The following DDX60 variants were observed in gnomAD, a reference collection of about 807,000 sequenced individuals.
DDX60 encodes DExD/H-box helicase 60.
Under a neutral mutation model 212.8 loss-of-function variants are expected in DDX60, and 165 were observed. The observed-to-expected ratio is 0.78, with a 90% CI of 0.68 to 0.88. DDX60 has a LOEUF of 0.88. DDX60 is among the 40% of genes least tolerant of loss of function. The probability of loss-of-function intolerance (pLI) is 0.00; values close to 1 mark genes in which losing one functional copy is unlikely to be tolerated. For synonymous variants in DDX60, 703 were observed against 685.3 expected, an observed-to-expected ratio of 1.03 and a Z score of -0.40; for missense variants, 1,905 against 2,003.9, an observed-to-expected ratio of 0.95 and a Z score of 0.94.
upstream of DDX60, among the ~76,000 whole-genome samples, chr4:168,323,145 G>A (rs1475792437): frequency 1.3e-5 from 2 of 152,108 alleles, no homozygotes; most frequent in Non-Finnish European, 2.9e-5. Flanking sequence ...TCAGCCTTAT[G>A]ATACAATGCC....
intron 26 of DDX60, among the ~76,000 whole-genome samples, chr4:168,254,105 G>T (rs910820564): frequency 6.6e-6 from 1 of 152,142 alleles, no homozygotes; most frequent in African/African-American, 2.4e-5. Flanking sequence ...TTTTAGTCAA[G>T]GTAATAAACC....
chr4:168,264,799 G>T (rs181811454), intron 22 of DDX60, among the ~76,000 whole-genome samples: 265 of 152,162 alleles, frequency 1.7e-3, no homozygotes, highest in African/African-American at 6.2e-3. Flanking sequence ...CCTAAATACT[G>T]GGGATCCAAT....
At position 168,236,302 on chromosome 4, in the gene DDX60, ATCT is replaced by A. The variant is rs768346445; in HGVS notation, c.4480_4482del (p.Arg1494del). ...GCATCTTGGAACTTTGGTGGAAAATATCTTCTTCCAAAGAGATGTGCCAATACT... is the reference window on the plus strand; with the variant it reads ...GCATCTTGGAACTTTGGTGGAAAATATCTTCCAAAGAGATGTGCCAATACT... On this transcript the variant is annotated inframe_deletion, in exon 33 of 38. Transcript: ENST00000393743. 6.2e-7 allele frequency: 1 copy of A among 1,611,024 alleles called. No individual in the cohort carries two copies. The highest frequency in any genetic ancestry group is 1.7e-5 in the Admixed American group (1 of 59,686).
Position 168,251,044 on chromosome 4 carries a change from C to A in DDX60, c.3768G>T (p.Leu1256Phe), listed in dbSNP as rs780436686. 6.2e-7 allele frequency: 1 copy of A among 1,613,442 alleles called. No individual in the cohort carries two copies. Among genetic ancestry groups the A allele is most frequent in the Non-Finnish European group, 8.5e-7 (1 of 1,179,694 alleles). The change falls in exon 28 of 38, where the codon TTG (leucine) becomes TTT (phenylalanine). Residue 1256 changes from leucine (L) to phenylalanine (F), a missense_variant. By Grantham distance (22) the Leu-to-Phe change is conservative (BLOSUM62 0). Coordinates refer to ENST00000393743, the MANE Select transcript of DDX60 (RefSeq NM_017631.6). ...GATGATATCCAATACCCCTTTCTGC[C>A]AAGGCTTTCAATTCTTCACCTTTTC... The part of the protein sequence containing the change: ...FERKGEELKA[L>F]AERGIGYHHS...
At chr4:168,236,996 T>C (rs1356454343) in intron 32 of DDX60, among the ~76,000 whole-genome samples, 1 of 151,262 alleles carries the variant, frequency 6.6e-6, no homozygotes, top group Non-Finnish European at 1.5e-5. Flanking sequence ...GAAGAAAATA[T>C]TTTCTAAAAA....
At chr4:168,323,345 A>G (rs1737641281), upstream of DDX60, among the ~76,000 whole-genome samples, 1 of 152,202 alleles carries the variant, frequency 6.6e-6, no homozygotes, top group South Asian at 2.1e-4. Flanking sequence ...TGGCACTGGT[A>G]TAGGGAGTGC....
At chr4:168,270,418 T>C (rs1469700245) in intron 19 of DDX60, among the ~76,000 whole-genome samples, 3 of 152,268 alleles carry the variant, frequency 2.0e-5, no homozygotes, top group Non-Finnish European at 4.4e-5. Context: ...CATCAAATAT[T>C]GACCTTATGC....
chr4:168,315,073 T>C (rs1027053921), intron 1 of DDX60, among the ~76,000 whole-genome samples: 19 of 152,206 alleles, frequency 1.2e-4, no homozygotes, highest in African/African-American at 3.9e-4. Context: ...TTCTGAAATA[T>C]ACTATAGTTC....
chr4:168,286,432 A>ACCACAC (rs1560859715), intron 10 of DDX60, among the ~76,000 whole-genome samples: 172 of 57,708 alleles, frequency 3.0e-3, no homozygotes, highest in African/African-American at 0.012. Flanking sequence ...CGAGATAGAT[A>ACCACAC]GATAGATAGA....
At chr4:168,267,093 G>A (rs548412894) in intron 22 of DDX60, among the ~76,000 whole-genome samples, 4 of 152,176 alleles carry the variant, frequency 2.6e-5, no homozygotes, top group Admixed American at 6.5e-5. Context: ...CTCACACCCC[G>A]GTGTCCCAGC....
intron 7 of DDX60, 139 bp from the exon 8 acceptor site, chr4:168,292,045 CTTTCTTT>C: frequency 2.6e-5 from 11 of 415,576 alleles, no homozygotes; most frequent in Non-Finnish European, 3.0e-5. Context: ...TTCTTTCTTT[CTTTCTTT>C]TTTTTTTTTT....
intron 6 of DDX60, among the ~76,000 whole-genome samples, chr4:168,294,686 G>A (rs1736263974): frequency 6.6e-6 from 1 of 151,978 alleles, no homozygotes; most frequent in Non-Finnish European, 1.5e-5. Flanking sequence ...ATTTTTAGTA[G>A]AGATGGGATT....
rs534969004 is a variant in DDX60, at chr4:168,248,363, A to G, written c.3859-71T>C. The G allele has an allele frequency of 2.9e-5, 35 of 1,204,558 alleles. No individual in the cohort carries two copies. In the East Asian group the frequency reaches 9.5e-4, roughly 33 times the overall value. The allele number at this position is 1,204,558 out of a possible 1,614,324, so 74.6% of individuals were successfully genotyped here. On this transcript the variant is annotated intron_variant, in intron 28 of 37. Transcript: ENST00000393743. Reference sequence around the variant, plus strand: ...AGAATGCAAGTATTTCCTGTCATAAAGTTGCTGAAAAACTCTTTGAGCTTC... The same window carrying G: ...AGAATGCAAGTATTTCCTGTCATAAGGTTGCTGAAAAACTCTTTGAGCTTC...
chr4:168,248,440 C>T (rs756024924), intron 28 of DDX60, 148 bp from the exon 29 acceptor site: 4 of 547,780 alleles, frequency 7.3e-6, no homozygotes, highest in Non-Finnish European at 1.3e-5. Flanking sequence ...GGTACTCTTG[C>T]TATTTCACAA....
chr4:168,302,544 A>G lies in DDX60; in HGVS notation c.607-128T>C, dbSNP rs1411705062. ...TATTTCTAAGGAAAAAAATATGCCA[A>G]TGTAATTGTAAGTTTTAAACCCCAT... On this transcript the variant is annotated intron_variant, in intron 5 of 37. Coordinates refer to ENST00000393743, the MANE Select transcript of DDX60 (RefSeq NM_017631.6). 9.0e-6 allele frequency: 4 copies of G among 445,186 alleles called. No individual in the cohort carries two copies. In the East Asian group the frequency reaches 1.5e-4, roughly 16 times the overall value. 27.6% of individuals were successfully genotyped at this position (445,186 alleles called of 1,614,324 possible).
At chr4:168,232,767 A>G (rs1302033070) in intron 33 of DDX60, among the ~76,000 whole-genome samples, 1 of 152,162 alleles carries the variant, frequency 6.6e-6, no homozygotes, top group Non-Finnish European at 1.5e-5. Context: ...CTGGAAGACA[A>G]TATTATAAAA....
At chr4:168,296,364 C>A (rs1183652529) in intron 6 of DDX60, among the ~76,000 whole-genome samples, 1 of 151,798 alleles carries the variant, frequency 6.6e-6, no homozygotes, top group Admixed American at 6.6e-5. Context: ...TTTCTGAAAA[C>A]AGGTTTGGGA....
At chr4:168,266,428 AAACAAC>A (rs1734851589) in intron 22 of DDX60, among the ~76,000 whole-genome samples, 1 of 152,224 alleles carries the variant, frequency 6.6e-6, no homozygotes, top group African/African-American at 2.4e-5. Context: ...ATATGCATGT[AAACAAC>A]TTAAGCAGTA....
intron 7 of DDX60, among the ~76,000 whole-genome samples, 171 bp downstream of exon 7, chr4:168,293,616 T>A (rs955648986): frequency 3.3e-5 from 5 of 152,228 alleles, no homozygotes; most frequent in Non-Finnish European, 5.9e-5. Flanking sequence ...AATCATTTAA[T>A]GGCACAATAA....
Sources: allele counts gnomAD v4.1 joint callset (sites outside exome capture counted in the v4.1 genomes callset), GRCh38; gene constraint gnomAD v4.1.1; transcripts MANE v1.5; gene names NCBI Gene and HGNC (gene_info 2026-07-23, HGNC 2026-07-21).